The following PSD3 variants were observed in gnomAD, a reference collection of about 807,000 sequenced individuals.
The protein encoded by PSD3 is pleckstrin and Sec7 domain containing 3.
PSD3 carries 49 observed loss-of-function variants against 105.5 expected under a neutral mutation model. That is an observed-to-expected ratio of 0.46 (90% CI 0.37 to 0.59). The LOEUF is 0.59. PSD3 is among the 20% of genes least tolerant of loss of function. The probability of loss-of-function intolerance (pLI) is 0.00; values close to 1 mark genes in which losing one functional copy is unlikely to be tolerated. For missense variants in PSD3, 1,561 were observed against 1,263.8 expected, an observed-to-expected ratio of 1.24 and a Z score of -3.57; for synonymous variants, 557 against 457.8, an observed-to-expected ratio of 1.22 and a Z score of -2.77.
At chr8:18,617,127 G>A (rs1805751709) in intron 11 of PSD3, among the ~76,000 whole-genome samples, 1 of 152,192 alleles carries the variant, frequency 6.6e-6, no homozygotes, top group Non-Finnish European at 1.5e-5. Context: ...CCTTCAGAGG[G>A]TGATGGGGAA....
intron 12 of PSD3, among the ~76,000 whole-genome samples, chr8:18,598,734 T>C (rs904726176): frequency 6.6e-6 from 1 of 152,142 alleles, no homozygotes; most frequent in Non-Finnish European, 1.5e-5. Context: ...ATCAGTTCCA[T>C]TTCTATATGC....
At chr8:18,758,458 TCA>T (rs1806243056) in intron 9 of PSD3, among the ~76,000 whole-genome samples, 1 of 151,584 alleles carries the variant, frequency 6.6e-6, no homozygotes, top group African/African-American at 2.4e-5. Context: ...GCTTTTGCTG[TCA>T]CTCCGTGTGA....
chr8:18,598,679 T>C (rs1804217946), intron 12 of PSD3, among the ~76,000 whole-genome samples: 1 of 152,046 alleles, frequency 6.6e-6, no homozygotes, highest in Non-Finnish European at 1.5e-5. Flanking sequence ...CAAAAACCTA[T>C]TAGAATAAAT....
chr8:18,557,463 C>T (rs1229809834), intron 14 of PSD3: 2 of 154,044 alleles, frequency 1.3e-5, no homozygotes, highest in African/African-American at 2.4e-5. Context: ...CATATAATAT[C>T]TTACGGACTT....
intron 1 of PSD3, among the ~76,000 whole-genome samples, chr8:18,981,755 A>T (rs1011822752): frequency 3.3e-5 from 5 of 152,160 alleles, no homozygotes; most frequent in African/African-American, 1.2e-4. Flanking sequence ...AACAATGTCA[A>T]TGTACACATC....
Position 18,878,041 on chromosome 8 carries a change from C to A in PSD3, c.131-5308G>T, listed in dbSNP as rs546389907. Among the ~76,000 whole-genome samples the A allele has an allele frequency of 7.9e-5, 12 of 152,286 alleles. No homozygotes were observed. In the South Asian group the frequency reaches 2.5e-3, roughly 32 times the overall value. On this transcript the variant is annotated intron_variant, in intron 2 of 15. Transcript: ENST00000327040. Reference sequence around the variant, plus strand: ...GATTTTGATAGGGGCTGCAATGAATCTATACAGTACTGGCTTCTTAACAGT... The same window carrying A: ...GATTTTGATAGGGGCTGCAATGAATATATACAGTACTGGCTTCTTAACAGT...
intron 8 of PSD3, among the ~76,000 whole-genome samples, chr8:18,766,252 T>A (rs1462952901): frequency 6.6e-6 from 1 of 152,088 alleles, no homozygotes; most frequent in African/African-American, 2.4e-5. Context: ...GAGAATCACT[T>A]GAACCCAGGA....
At chr8:18,777,937 T>A (rs1173597405) in intron 8 of PSD3, among the ~76,000 whole-genome samples, 3 of 152,202 alleles carry the variant, frequency 2.0e-5, no homozygotes, top group Non-Finnish European at 4.4e-5. Context: ...CTCAATATAA[T>A]GAAATGTAAT....
At chr8:18,639,011 C>T (rs1196558019) in intron 10 of PSD3, among the ~76,000 whole-genome samples, 1 of 152,154 alleles carries the variant, frequency 6.6e-6, no homozygotes, top group Non-Finnish European at 1.5e-5. Context: ...GTGGCTTGTG[C>T]CAGTCTGAAA....
At chr8:18,634,509 T>A (rs1215928439) in intron 10 of PSD3, among the ~76,000 whole-genome samples, 2 of 151,754 alleles carry the variant, frequency 1.3e-5, no homozygotes, top group Non-Finnish European at 2.9e-5. Context: ...TCATTTGGAT[T>A]TCACTAGTTT....
intron 15 of PSD3, among the ~76,000 whole-genome samples, chr8:18,551,502 G>A (rs1285644725): frequency 6.6e-6 from 1 of 152,154 alleles, no homozygotes; most frequent in Non-Finnish European, 1.5e-5. Flanking sequence ...GGTGCATCAT[G>A]CTTCAAGAAT....
chr8:18,731,188 G>A (rs951311941), intron 9 of PSD3, among the ~76,000 whole-genome samples: 41 of 152,192 alleles, frequency 2.7e-4, no homozygotes, highest in African/African-American at 8.7e-4. Context: ...CCCGGGAAGC[G>A]GAGGTTGCAG....
intron 1 of PSD3, among the ~76,000 whole-genome samples, chr8:19,006,294 C>CAAAAAA (rs58023537): frequency 2.5e-5 from 2 of 80,816 alleles, no homozygotes; most frequent in African/African-American, 3.6e-5. Flanking sequence ...AACTCCATCT[C>CAAAAAA]AAAAAAAAAA....
intron 9 of PSD3, among the ~76,000 whole-genome samples, chr8:18,705,364 T>C (rs968068195): frequency 2.0e-5 from 3 of 151,712 alleles, no homozygotes; most frequent in Non-Finnish European, 2.9e-5. Flanking sequence ...ACGGTGCCTA[T>C]ACAAAAAAAT....
intron 1 of PSD3, among the ~76,000 whole-genome samples, chr8:18,963,344 C>T (rs893509664): frequency 6.6e-6 from 1 of 152,188 alleles, no homozygotes; most frequent in Non-Finnish European, 1.5e-5. Flanking sequence ...AATTTGACTT[C>T]CTGAATTTGT....
chr8:18,811,457 G>C (rs560750484), intron 4 of PSD3, among the ~76,000 whole-genome samples: 13 of 152,198 alleles, frequency 8.5e-5, no homozygotes, highest in African/African-American at 3.1e-4. Context: ...TGGGTGGGGA[G>C]GGGAGCTAAA....
At chr8:18,714,902 T>C (rs1299029044) in intron 9 of PSD3, among the ~76,000 whole-genome samples, 1 of 152,240 alleles carries the variant, frequency 6.6e-6, no homozygotes, top group Non-Finnish European at 1.5e-5. Flanking sequence ...AGTGATAGAC[T>C]GCATACAGAA....
At chr8:18,743,631 C>T (rs1457463960) in intron 9 of PSD3, among the ~76,000 whole-genome samples, 2 of 151,898 alleles carry the variant, frequency 1.3e-5, no homozygotes, top group Non-Finnish European at 2.9e-5. Flanking sequence ...CCCTGGATAC[C>T]TTCAGTATAC....
chr8:18,572,447 C>T, intron 14 of PSD3, 81 bp downstream of exon 14: 1 of 1,522,576 alleles, frequency 6.6e-7, no homozygotes, highest in Non-Finnish European at 8.9e-7. Flanking sequence ...AAAACATGGA[C>T]TACTATCCAA....
Sources: allele counts gnomAD v4.1 joint callset (sites outside exome capture counted in the v4.1 genomes callset), GRCh38; gene constraint gnomAD v4.1.1; transcripts MANE v1.5; gene names NCBI Gene and HGNC (gene_info 2026-07-23, HGNC 2026-07-21).